Variants in OPHN1 observed in about 807,000 individuals in gnomAD.
The protein encoded by OPHN1 is oligophrenin-1.
Under a neutral mutation model 60.7 loss-of-function variants are expected in OPHN1, and 11 were observed. That is an observed-to-expected ratio of 0.18 (90% CI 0.11 to 0.30). The LOEUF is 0.30. OPHN1 is among the 10% of genes least tolerant of loss of function. The probability of loss-of-function intolerance (pLI) is 1.00; values close to 1 mark genes in which losing one functional copy is unlikely to be tolerated. For synonymous variants in OPHN1, 226 were observed against 222.6 expected, an observed-to-expected ratio of 1.02 and a Z score of -0.14; for missense variants, 449 against 611.0, an observed-to-expected ratio of 0.73 and a Z score of 2.80.
chrX:68,075,994 A>G (rs2147374142), intron 19 of OPHN1, among the ~76,000 whole-genome samples: 1 of 110,266 alleles, frequency 9.1e-6, no homozygotes, highest in East Asian at 2.8e-4. Flanking sequence ...ATGATTTTCT[A>G]AAAGACACTG....
In OPHN1 at chrX:68,416,049, TATATATATATATATATATAGAG is replaced by T. The variant is rs1251424579; in HGVS notation, c.154+16796_154+16817del. ...AAATTATATAATATATATATATATA[TATATATATATATATATATAGAG>T]AGAGAGAGAGAGAGAGAGAGAGAGA... On this transcript the variant is annotated intron_variant, in intron 2 of 24. Transcript: ENST00000355520. 5.7e-3 allele frequency among the ~76,000 whole-genome samples: 341 copies of T among 59,756 alleles called. 2 individuals carry two copies. The highest frequency in any genetic ancestry group is 0.015 in the African/African-American group (158 of 10,652). 51.9% of individuals were successfully genotyped at this position (59,756 alleles called of 115,157 possible).
At chrX:68,419,082 A>AC (rs1450430880) in intron 2 of OPHN1, among the ~76,000 whole-genome samples, 1 of 109,943 alleles carries the variant, frequency 9.1e-6, no homozygotes, top group African/African-American at 3.3e-5. Flanking sequence ...ATCTCGGCTC[A>AC]CTGCAACCTC....
At chrX:68,066,142 A>G (rs1317146834) in intron 20 of OPHN1, among the ~76,000 whole-genome samples, 2 of 112,672 alleles carry the variant, frequency 1.8e-5, no homozygotes, top group Admixed American at 1.9e-4. Context: ...GGCAGAGGCC[A>G]TCTTTAAACA....
chrX:68,122,017 G>T (rs1424139296), intron 15 of OPHN1, among the ~76,000 whole-genome samples: 1 of 109,612 alleles, frequency 9.1e-6, no homozygotes, highest in African/African-American at 3.3e-5. Context: ...ATAACCAGAA[G>T]CAAAACCCAG....
rs776797840 is a variant in OPHN1, at chrX:68,070,944, A to G, written c.1834+2208T>C. 1.5e-4 allele frequency: 175 copies of G among 1,145,331 alleles called. No homozygotes were observed. In the African/African-American group the frequency reaches 2.9e-3, roughly 19 times the overall value. 94.4% of individuals were successfully genotyped at this position (1,145,331 alleles called of 1,213,427 possible). A position where few individuals can be genotyped will look rare whatever the true frequency, so the allele number is the denominator to read the frequency against. ...AGTCAATAGGCAAGGTAATCTTCAC[A>G]CCATTCTTCTCAGCTTGGGACATTA... On this transcript the variant is annotated intron_variant, in intron 20 of 24. Transcript: ENST00000355520.
chrX:68,174,841 T>A (rs902927415), intron 15 of OPHN1, among the ~76,000 whole-genome samples: 1 of 110,180 alleles, frequency 9.1e-6, no homozygotes, highest in Non-Finnish European at 1.9e-5. Context: ...CCCAGCACTT[T>A]GGGAGGTCAA....
intron 15 of OPHN1, among the ~76,000 whole-genome samples, chrX:68,129,311 A>G (rs1261270734): frequency 9.0e-6 from 1 of 111,410 alleles, no homozygotes; most frequent in African/African-American, 3.3e-5. Context: ...CATCTCAAAA[A>G]TAAGTCTACA....
intron 6 of OPHN1, among the ~76,000 whole-genome samples, chrX:68,226,526 G>C (rs1248865934): frequency 8.9e-6 from 1 of 111,759 alleles, no homozygotes; most frequent in African/African-American, 3.2e-5. Flanking sequence ...ACTAACAGCT[G>C]ATTTCTCGGC....
At chrX:68,343,451 C>T (rs907082279) in intron 2 of OPHN1, among the ~76,000 whole-genome samples, 11 of 109,253 alleles carry the variant, frequency 1.0e-4, no homozygotes, top group African/African-American at 3.3e-4. Flanking sequence ...GACATGGTCG[C>T]GTGCCTAGGT....
intron 15 of OPHN1, among the ~76,000 whole-genome samples, chrX:68,156,304 TAAA>T (rs375927931): frequency 1.5e-5 from 1 of 65,766 alleles, no homozygotes. Flanking sequence ...AAGGAAGAGG[TAAA>T]AAAAAAAAAA....
chrX:68,294,473 CAAA>C (rs570989143), intron 3 of OPHN1, among the ~76,000 whole-genome samples: 2 of 10,656 alleles, frequency 1.9e-4, no homozygotes, highest in African/African-American at 2.5e-4. Flanking sequence ...GACTCTATCA[CAAA>C]AAAAAAAAAA....
At chrX:68,100,988 C>T (rs1005080711) in intron 18 of OPHN1, among the ~76,000 whole-genome samples, 20 of 111,019 alleles carry the variant, frequency 1.8e-4, no homozygotes, top group African/African-American at 5.9e-4. Flanking sequence ...CCTCGTGATC[C>T]GCCCGCCTCG....
chrX:68,052,863 A>G (rs1422272998), intron 22 of OPHN1, among the ~76,000 whole-genome samples: 1 of 112,748 alleles, frequency 8.9e-6, no homozygotes, highest in Non-Finnish European at 1.9e-5. Context: ...AAATGAAACC[A>G]GTCTTGATTT....
At chrX:68,331,946 G>C (rs1440739725) in intron 2 of OPHN1, among the ~76,000 whole-genome samples, 1 of 110,134 alleles carries the variant, frequency 9.1e-6, no homozygotes, top group Non-Finnish European at 1.9e-5. Flanking sequence ...TGAGGCAGGA[G>C]AATCACTTGA....
At chrX:68,384,741 G>T (rs1326929024) in intron 2 of OPHN1, among the ~76,000 whole-genome samples, 2 of 110,099 alleles carry the variant, frequency 1.8e-5, no homozygotes, top group African/African-American at 3.3e-5. Flanking sequence ...AAAAGAAGAA[G>T]AATATTGTCT....
At chrX:68,158,202 C>T (rs1047337024) in intron 15 of OPHN1, among the ~76,000 whole-genome samples, 3 of 112,394 alleles carry the variant, frequency 2.7e-5, no homozygotes, top group African/African-American at 6.5e-5. Context: ...AAGAGCCTTG[C>T]GCAAAAGCAG....
chrX:68,366,599 C>T (rs962485197), intron 2 of OPHN1, among the ~76,000 whole-genome samples: 9 of 111,436 alleles, frequency 8.1e-5, no homozygotes, highest in African/African-American at 2.9e-4. Flanking sequence ...AGCAGTCCTC[C>T]TACTTTGGCC....
At chrX:68,175,726 T>C (rs752204764) in intron 15 of OPHN1, among the ~76,000 whole-genome samples, 63 of 111,640 alleles carry the variant, frequency 5.6e-4, no homozygotes, top group Non-Finnish European at 9.8e-4. Flanking sequence ...AAGCCTTAAA[T>C]CTCCTTCTCC....
At chrX:68,247,285 G>A (rs1224829064) in intron 5 of OPHN1, among the ~76,000 whole-genome samples, 1 of 111,582 alleles carries the variant, frequency 9.0e-6, no homozygotes, top group Non-Finnish European at 1.9e-5. Flanking sequence ...CTCACATACT[G>A]TCCTTGTAAA....
Sources: allele counts gnomAD v4.1 joint callset (sites outside exome capture counted in the v4.1 genomes callset), GRCh38; gene constraint gnomAD v4.1.1; transcripts MANE v1.5; gene names NCBI Gene and HGNC (gene_info 2026-07-23, HGNC 2026-07-21).